Variants in PSMF1 observed in about 807,000 individuals in gnomAD.
The protein encoded by PSMF1 is proteasome inhibitor PI31 subunit.
PSMF1 carries 30 observed loss-of-function variants against 29.3 expected under a neutral mutation model. The ratio of observed to expected loss-of-function variants is 1.02; its 90% CI spans 0.77 to 1.39. The LOEUF (loss-of-function observed/expected upper bound fraction) is 1.39. Ranked by LOEUF, PSMF1 falls within the 40% of genes most tolerant of loss-of-function variation. The pLI is 0.00. For missense variants in PSMF1, 344 were observed against 357.5 expected, an observed-to-expected ratio of 0.96 and a Z score of 0.31; for synonymous variants, 134 against 139.7, an observed-to-expected ratio of 0.96 and a Z score of 0.29.
upstream of PSMF1, among the ~76,000 whole-genome samples, chr20:1,113,848 C>T (rs1275577845): frequency 2.6e-5 from 4 of 152,088 alleles, no homozygotes; most frequent in South Asian, 2.1e-4. Flanking sequence ...CCCGCCACCA[C>T]GCCCGGCTAA....
intron 4 of PSMF1, among the ~76,000 whole-genome samples, chr20:1,143,838 C>A (rs148251703): frequency 6.6e-6 from 1 of 152,156 alleles, no homozygotes; most frequent in Non-Finnish European, 1.5e-5. Context: ...TGCCTGTAAT[C>A]CCAGTACTTT....
rs2086037384 is a variant in PSMF1, at chr20:1,118,614, C to G, written c.-160C>G. On this transcript the variant is annotated 5_prime_UTR_variant, in exon 1 of 7. Transcript: ENST00000335877. Reference sequence around the variant, plus strand: ...TGGGACTACTTCCGGCTTCCCCGCCCCGCCCCGTCCCCGGGCGTCTCCATT... The same window carrying G: ...TGGGACTACTTCCGGCTTCCCCGCCGCGCCCCGTCCCCGGGCGTCTCCATT... 1 of 876,906 alleles carries G rather than the reference C, an allele frequency of 1.1e-6. No homozygotes were observed. Among genetic ancestry groups the G allele is most frequent in the Non-Finnish European group, 1.6e-6 (1 of 608,570 alleles). 54.3% of individuals were successfully genotyped at this position (876,906 alleles called of 1,614,324 possible).
rs117722572 is a variant in PSMF1 at position 1,153,028 on chromosome 20, C to T, written c.552-10102C>T. On this transcript the variant is annotated intron_variant, in intron 4 of 6. Coordinates refer to ENST00000335877, the MANE Select transcript of PSMF1 (RefSeq NM_006814.5). ...ATTGCTCAGTTGCCCTTTTTCTAAACAGTTGTGTTAATTGACATTCTCACT... is the reference window on the plus strand; with the variant it reads ...ATTGCTCAGTTGCCCTTTTTCTAAATAGTTGTGTTAATTGACATTCTCACT... 2.5e-3 allele frequency among the ~76,000 whole-genome samples: 384 copies of T among 152,278 alleles called. 3 individuals carry two copies. The East Asian group carries it at 0.034, about 14-fold the overall frequency.
rs1484939624 is a variant in PSMF1 at position 1,171,878 on chromosome 20, C to G, written c.*6798C>G. On this transcript the variant is annotated 3_prime_UTR_variant, in exon 7 of 7. Transcript: ENST00000335877. ...TTCAGAAGGAAGTATGGGAGCAGTT[C>G]CATCCTCAAGGTTTCTTGGTTCCCA... is the stretch of plus-strand genomic sequence containing the variant. Among the ~76,000 whole-genome samples, 1 of 152,208 alleles carries G rather than the reference C, an allele frequency of 6.6e-6. No homozygotes were observed. Among genetic ancestry groups the G allele is most frequent in the Non-Finnish European group, 1.5e-5 (1 of 68,034 alleles).
At chr20:1,140,087 C>T (rs542307600) in intron 4 of PSMF1, among the ~76,000 whole-genome samples, 1 of 152,162 alleles carries the variant, frequency 6.6e-6, no homozygotes, top group Non-Finnish European at 1.5e-5. Context: ...TTTTCCCCCC[C>T]AGAAATTGGC....
chr20:1,137,347 A>AT, intron 4 of PSMF1, among the ~76,000 whole-genome samples: 1 of 152,238 alleles, frequency 6.6e-6, no homozygotes, highest in Admixed American at 6.5e-5. Flanking sequence ...AAAGGTCGAT[A>AT]GGGGACTTTA....
Position 1,118,809 on chromosome 20 carries a change from G to C in PSMF1, c.36G>C (p.Ala12=). 6.2e-7 allele frequency: 1 copy of C among 1,613,440 alleles called. No homozygotes were observed. Among genetic ancestry groups the C allele is most frequent in the Non-Finnish European group, 8.5e-7 (1 of 1,179,678 alleles). The part of the protein sequence containing the change: ...AGLEVLFASA[A]PAITCRQDAL... ...TGGAGGTACTGTTCGCATCGGCAGC[G>C]CCGGCCATCACCTGCAGGCAGGACG... Residue 12 remains alanine (A), a synonymous_variant, in exon 1 of 7, where the codon GCG becomes GCC. Coordinates refer to ENST00000335877, the MANE Select transcript of PSMF1 (RefSeq NM_006814.5).
intron 4 of PSMF1, among the ~76,000 whole-genome samples, chr20:1,153,400 A>G (rs2086555558): frequency 6.6e-6 from 1 of 151,782 alleles, no homozygotes; most frequent in African/African-American, 2.4e-5. Flanking sequence ...ATTTCTTCTC[A>G]TGTGTCTGCC....
At chr20:1,119,732 C>T (rs1008922065) in intron 1 of PSMF1, among the ~76,000 whole-genome samples, 1 of 152,166 alleles carries the variant, frequency 6.6e-6, no homozygotes, top group Non-Finnish European at 1.5e-5. Flanking sequence ...TCTTTCTTTC[C>T]TGTCTCTTCC....
At chr20:1,134,603 G>C (rs2086277804) in intron 3 of PSMF1, among the ~76,000 whole-genome samples, 2 of 152,150 alleles carry the variant, frequency 1.3e-5, no homozygotes, top group Non-Finnish European at 2.9e-5. Context: ...CACAGGCATA[G>C]AAAAAGAGGC....
chr20:1,160,537 T>C (rs1457777776), intron 4 of PSMF1: 24 of 416,706 alleles, frequency 5.8e-5, no homozygotes, highest in South Asian at 2.8e-4. Context: ...TGGCCTGTGC[T>C]CCATGTCTTC....
rs2086748132 is a variant in PSMF1, at chr20:1,167,714, C to G, written c.*2634C>G. On this transcript the variant is annotated 3_prime_UTR_variant, in exon 7 of 7. Coordinates refer to ENST00000335877, the MANE Select transcript of PSMF1 (RefSeq NM_006814.5). ...TATGGATATATCACATTTTGCTTAT[C>G]CTTTTATCAGTTGATGGACAGTTGG... 6.6e-6 allele frequency: 1 copy of G among 152,114 alleles called. No individual in the cohort carries two copies. Among genetic ancestry groups the G allele is most frequent in the African/African-American group, 2.4e-5 (1 of 41,420 alleles). 9.4% of individuals were successfully genotyped at this position (152,114 alleles called of 1,614,324 possible).
At chr20:1,139,460 G>A (rs909244801) in intron 4 of PSMF1, among the ~76,000 whole-genome samples, 2 of 152,160 alleles carry the variant, frequency 1.3e-5, no homozygotes, top group East Asian at 1.9e-4. Flanking sequence ...TGTCAATGAC[G>A]TGATATCTTG....
chr20:1,150,044 G>A (rs1304797304), intron 4 of PSMF1, among the ~76,000 whole-genome samples: 1 of 149,250 alleles, frequency 6.7e-6, no homozygotes, highest in African/African-American at 2.5e-5. Context: ...GCTGGATGTG[G>A]TGGTGTGACC....
chr20:1,159,862 GCA>G (rs2086644952), intron 4 of PSMF1, among the ~76,000 whole-genome samples: 1 of 152,136 alleles, frequency 6.6e-6, no homozygotes, highest in Non-Finnish European at 1.5e-5. Context: ...GACTGGAGGA[GCA>G]CCTACTTTTG....
rs1160044799 is a variant in PSMF1 at position 1,165,748 on chromosome 20, G to A, written c.*668G>A. ...CATTGTGGAAAGACTGCATCATTCT[G>A]ATGAGGCAAAATCCTCCAGCTATTC... On this transcript the variant is annotated 3_prime_UTR_variant, in exon 7 of 7. Transcript: ENST00000335877. 3 of 1,017,760 alleles carry A rather than the reference G, an allele frequency of 2.9e-6. No individual in the cohort carries two copies. The East Asian group carries it at 2.7e-4, about 91-fold the overall frequency. The allele number at this position is 1,017,760 out of a possible 1,614,324, so 63.0% of individuals were successfully genotyped here.
In PSMF1 at chr20:1,170,930, C is replaced by T. The variant is rs963396799; in HGVS notation, c.*5850C>T. ...CCTGACAACCCCAAGGTAAACACAGCTAGTGGCATTAGTTGAGATGCTGCA... is the reference window on the plus strand; with the variant it reads ...CCTGACAACCCCAAGGTAAACACAGTTAGTGGCATTAGTTGAGATGCTGCA... On this transcript the variant is annotated 3_prime_UTR_variant, in exon 7 of 7. Transcript: ENST00000335877. Among the ~76,000 whole-genome samples, 2 of 152,078 alleles carry T rather than the reference C, an allele frequency of 1.3e-5. No homozygotes were observed. The highest frequency in any genetic ancestry group is 4.8e-5 in the African/African-American group (2 of 41,410).
At chr20:1,126,000 A>G in intron 2 of PSMF1, 2 of 465,562 alleles carry the variant, frequency 4.3e-6, no homozygotes, top group Admixed American at 2.3e-5. Flanking sequence ...GAGCCCTTGC[A>G]CTTTACATTT....
chr20:1,127,239 G>A, intron 2 of PSMF1, 187 bp from the exon 3 acceptor site: 2 of 756,294 alleles, frequency 2.6e-6, no homozygotes, highest in Non-Finnish European at 4.8e-6. Flanking sequence ...CCTTGGAAAG[G>A]CAATATTCCT....
Sources: gnomAD v4.1 joint callset for allele counts (sites outside exome capture counted in the v4.1 genomes callset) on GRCh38, gnomAD v4.1.1 for gene constraint, MANE v1.5 for transcripts, NCBI Gene and HGNC (gene_info 2026-07-23, HGNC 2026-07-21) for gene names.